PMEPA1: variants seen among roughly 807,000 people sequenced by gnomAD.
PMEPA1 encodes the protein prostate transmembrane protein, androgen induced 1.
PMEPA1 carries 11 observed loss-of-function variants against 23.0 expected under a neutral mutation model. The observed-to-expected ratio is 0.48, with a 90% confidence interval of 0.30 to 0.79. PMEPA1 has a LOEUF of 0.79. PMEPA1 is among the 30% of genes least tolerant of loss of function. The pLI, the probability that PMEPA1 is intolerant of heterozygous loss-of-function variation, is 0.06. For synonymous variants in PMEPA1, 204 were observed against 166.4 expected, an observed-to-expected ratio of 1.23 and a Z score of -1.74; for missense variants, 377 against 390.9, an observed-to-expected ratio of 0.96 and a Z score of 0.30.
intron 1 of PMEPA1, chr20:57,700,066 G>A: frequency 2.1e-6 from 1 of 471,182 alleles, no homozygotes; most frequent in Non-Finnish European, 4.4e-6. Context: ...GGCTGGATTT[G>A]TCACTTTCAT....
At chr20:57,706,249 A>G (rs1048126455) in intron 1 of PMEPA1, among the ~76,000 whole-genome samples, 2 of 152,182 alleles carry the variant, frequency 1.3e-5, no homozygotes, top group African/African-American at 4.8e-5. Context: ...CTTAGCATCC[A>G]TCTGGGCCCC....
At chr20:57,703,215 C>T (rs749679629) in intron 1 of PMEPA1, among the ~76,000 whole-genome samples, 5 of 152,214 alleles carry the variant, frequency 3.3e-5, no homozygotes, top group South Asian at 2.1e-4. Flanking sequence ...AACTGAAGAC[C>T]GGCCCCTCCC....
chr20:57,667,110 G>A (rs927596437), intron 1 of PMEPA1, among the ~76,000 whole-genome samples: 3 of 152,228 alleles, frequency 2.0e-5, no homozygotes, highest in South Asian at 2.1e-4. Context: ...ACCTCCAGCT[G>A]TGTCTTTGGT....
At chr20:57,672,276 C>T (rs531341734) in intron 1 of PMEPA1, among the ~76,000 whole-genome samples, 2 of 152,388 alleles carry the variant, frequency 1.3e-5, no homozygotes, top group African/African-American at 4.8e-5. Flanking sequence ...CCTCGCCACT[C>T]GGCAAGCACC....
At chr20:57,697,547 C>T (rs1447132252) in intron 1 of PMEPA1, among the ~76,000 whole-genome samples, 2 of 152,242 alleles carry the variant, frequency 1.3e-5, no homozygotes, top group African/African-American at 4.8e-5. Context: ...AGCAGCTAGA[C>T]AGACACCAAT....
At chr20:57,660,521 CAACGCTACAT>C (rs2071400449) in intron 1 of PMEPA1, among the ~76,000 whole-genome samples, 1 of 144,650 alleles carries the variant, frequency 6.9e-6, no homozygotes, top group African/African-American at 2.7e-5. Context: ...CACACGTCAA[CAACGCTACAT>C]ACTCCAACAC....
chr20:57,652,149 C>T lies in PMEPA1; in HGVS notation c.768G>A (p.Leu256=). The T allele has an allele frequency of 6.2e-7, 1 of 1,601,322 alleles. No homozygotes were observed. ...GTGTGTGGTGGAGCCGGGTCCCCTC[C>T]AGCAAGGAGGGCGGCCCACTGCTCT... ...HQQSSGPPSL[L]EGTRLHHTHI... The change falls in exon 4 of 4, where the codon CTG becomes CTA. Residue 256 remains leucine, a synonymous_variant. Transcript: ENST00000341744. This position sits in a 1 kb window ranked among gnomAD's most constrained non-coding sequence, Gnocchi z 6.1.
chr20:57,661,097 C>A (rs774881975), intron 1 of PMEPA1, among the ~76,000 whole-genome samples: 1 of 152,226 alleles, frequency 6.6e-6, no homozygotes, highest in Non-Finnish European at 1.5e-5. Flanking sequence ...CAGATGGCTG[C>A]GGATGTTGCC....
Position 57,675,468 on chromosome 20 carries a change from A to G in PMEPA1, c.110-15771T>C, listed in dbSNP as rs117017445. On this transcript the variant is annotated intron_variant, in intron 1 of 3. Coordinates refer to ENST00000341744, the MANE Select transcript of PMEPA1 (RefSeq NM_020182.5). The stretch of plus-strand genomic sequence containing the variant: ...GACCCACGTGCCCCCCAACCATGCC[A>G]ACTTGCTGACCCTAGCCTGGCGCTT... Among the ~76,000 whole-genome samples the G allele has an allele frequency of 5.3e-5, 8 of 152,350 alleles. No homozygotes were observed. The East Asian group carries it at 1.2e-3, about 22-fold the overall frequency.
chr20:57,710,482 A>G (rs151176475), upstream of PMEPA1: 4 of 1,607,644 alleles, frequency 2.5e-6, no homozygotes, highest in African/African-American at 5.4e-5. Context: ...TTCGCAGGAG[A>G]CTGTCCGCCT....
At chr20:57,707,462 G>A (rs2072105009) in intron 1 of PMEPA1, among the ~76,000 whole-genome samples, 1 of 152,190 alleles carries the variant, frequency 6.6e-6, no homozygotes. Flanking sequence ...GCACCCAGGG[G>A]CCAGCTGGAA....
upstream of PMEPA1, chr20:57,710,213 C>T: frequency 4.0e-6 from 2 of 495,992 alleles, no homozygotes; most frequent in South Asian, 5.9e-5. Flanking sequence ...GGAGGAGGGG[C>T]GCTGTGCCCT....
Position 57,707,143 on chromosome 20 carries a change from C to T in PMEPA1, c.109+2331G>A, listed in dbSNP as rs530609595. Among the ~76,000 whole-genome samples the T allele has an allele frequency of 7.9e-5, 12 of 152,312 alleles. No homozygotes were observed. The South Asian group carries it at 1.7e-3, about 21-fold the overall frequency. On this transcript the variant is annotated intron_variant, in intron 1 of 3. Coordinates refer to ENST00000341744, the MANE Select transcript of PMEPA1 (RefSeq NM_020182.5). ...AACTCCAAACCATCCATCAAGTTCTCGTTGCAAACAACTCCCAGCATGTAC... is the reference window on the plus strand; with the variant it reads ...AACTCCAAACCATCCATCAAGTTCTTGTTGCAAACAACTCCCAGCATGTAC...
At chr20:57,676,653 C>A (rs956262275) in intron 1 of PMEPA1, among the ~76,000 whole-genome samples, 1 of 152,232 alleles carries the variant, frequency 6.6e-6, no homozygotes, top group African/African-American at 2.4e-5. Context: ...GCTCAAGGGG[C>A]CGACTGGCTG....
At chr20:57,677,536 C>T (rs34248442) in intron 1 of PMEPA1, among the ~76,000 whole-genome samples, 21,421 of 152,132 alleles carry the variant, frequency 0.14, 1,527 homozygotes, top group Non-Finnish European at 0.15. Flanking sequence ...GGAATCTCTG[C>T]AAAATGTCCA....
intron 1 of PMEPA1, among the ~76,000 whole-genome samples, chr20:57,666,426 G>C (rs2071493165): frequency 1.3e-5 from 2 of 152,148 alleles, no homozygotes; most frequent in Admixed American, 6.5e-5. Context: ...CCCCCACTTT[G>C]CAGATGAGGA....
At chr20:57,696,964 G>A (rs187005191) in intron 1 of PMEPA1, among the ~76,000 whole-genome samples, 193 of 152,322 alleles carry the variant, frequency 1.3e-3, no homozygotes, top group African/African-American at 4.3e-3. Flanking sequence ...CATGCTCTTC[G>A]GGGAGGCTTG....
At chr20:57,686,201 T>C (rs759626217) in intron 1 of PMEPA1, among the ~76,000 whole-genome samples, 5 of 152,148 alleles carry the variant, frequency 3.3e-5, no homozygotes, top group Non-Finnish European at 5.9e-5. Flanking sequence ...TTCTCCTAAA[T>C]GGGGGAACTA....
At position 57,707,784 on chromosome 20, in the gene PMEPA1, C is replaced by T. The variant is rs374392987; in HGVS notation, c.109+1690G>A. On this transcript the variant is annotated intron_variant, in intron 1 of 3. Coordinates refer to ENST00000341744, the MANE Select transcript of PMEPA1 (RefSeq NM_020182.5). ...AGGTCCTCAAGGCAGCTTTACAGAG[C>T]GAAAGGCAAAAAGTGAGGCAAGGAG... Among the ~76,000 whole-genome samples the T allele has an allele frequency of 2.5e-3, 386 of 151,616 alleles. 2 individuals are homozygous for T. Among genetic ancestry groups the T allele is most frequent in the African/African-American group, 9.0e-3 (371 of 41,310 alleles).
Sources: gnomAD v4.1 joint callset for allele counts (sites outside exome capture counted in the v4.1 genomes callset) on GRCh38, gnomAD v4.1.1 for gene constraint, Gnocchi (gnomAD v3.1) non-coding constraint, MANE v1.5 for transcripts, NCBI Gene and HGNC (gene_info 2026-07-23, HGNC 2026-07-21) for gene names.